Variants in FOXP2 observed in about 807,000 individuals in gnomAD.
FOXP2 encodes the protein forkhead box protein P2.
In FOXP2, 12 loss-of-function variants were observed where a neutral mutation model predicts 115.8. That is an observed-to-expected ratio of 0.10 (90% CI 0.07 to 0.17). The LOEUF (loss-of-function observed/expected upper bound fraction) is 0.17. FOXP2 is among the 10% of genes least tolerant of loss of function. The pLI, the probability that FOXP2 is intolerant of heterozygous loss-of-function variation, is 1.00. For synonymous variants in FOXP2, 328 were observed against 297.7 expected, an observed-to-expected ratio of 1.10 and a Z score of -1.05; for missense variants, 629 against 843.5, an observed-to-expected ratio of 0.75 and a Z score of 3.15.
intron 1 of FOXP2, among the ~76,000 whole-genome samples, chr7:114,175,931 C>T (rs1793277639): frequency 6.6e-6 from 1 of 152,142 alleles, no homozygotes; most frequent in Non-Finnish European, 1.5e-5. Context: ...TCAGATCTCA[C>T]TCTTTTTAAG....
rs940053193 is a variant in FOXP2 at position 114,454,260 on chromosome 7, A to G, written c.168+27581A>G. Among the ~76,000 whole-genome samples, 213 of 152,318 alleles carry G rather than the reference A, an allele frequency of 1.4e-3. 1 individual carries two copies. The highest frequency in any genetic ancestry group is 4.9e-3 in the African/African-American group (202 of 41,570). On this transcript the variant is annotated intron_variant, in intron 2 of 16. Transcript: ENST00000350908. Reference sequence around the variant, plus strand: ...AGACATCTATGCAGCCAAAAAACACATGAAAAAATGCTCATCATCACTGGC... The same window carrying G: ...AGACATCTATGCAGCCAAAAAACACGTGAAAAAATGCTCATCATCACTGGC...
chr7:114,162,914 T>C (rs1792880681), upstream of FOXP2: 1 of 152,034 alleles, frequency 6.6e-6, no homozygotes, highest in South Asian at 2.1e-4. Flanking sequence ...CGTTTTGTAA[T>C]AATTGATTAA....
chr7:114,210,347 G>C (rs1180204700), intron 1 of FOXP2, among the ~76,000 whole-genome samples: 1 of 152,070 alleles, frequency 6.6e-6, no homozygotes, highest in African/African-American at 2.4e-5. Flanking sequence ...TTTGTTGTTG[G>C]TCTTCTTGTT....
At chr7:114,433,238 A>G (rs73434158) in intron 2 of FOXP2, among the ~76,000 whole-genome samples, 2,963 of 152,110 alleles carry the variant, frequency 0.019, 103 homozygotes, top group African/African-American at 0.067. Flanking sequence ...TAATAAAAGT[A>G]TATCTGGTTC....
intron 1 of FOXP2, among the ~76,000 whole-genome samples, chr7:114,240,736 T>A (rs1476856754): frequency 2.0e-5 from 3 of 152,046 alleles, no homozygotes; most frequent in African/African-American, 7.2e-5. Flanking sequence ...ACTGTTCTTC[T>A]CTGGCAATAA....
At chr7:114,334,540 G>A (rs939865350) in intron 2 of FOXP2, among the ~76,000 whole-genome samples, 1 of 151,200 alleles carries the variant, frequency 6.6e-6, no homozygotes, top group African/African-American at 2.4e-5. Context: ...AAGAAATAAA[G>A]TAACTCCTGA....
chr7:114,158,362 A>T (rs908018841), upstream of FOXP2, among the ~76,000 whole-genome samples: 12 of 148,998 alleles, frequency 8.1e-5, no homozygotes, highest in Admixed American at 4.0e-4. Flanking sequence ...GTTGGTATTT[A>T]TTTTTTTTTT....
At chr7:114,373,594 AG>A (rs1246813037) in intron 2 of FOXP2, among the ~76,000 whole-genome samples, 7 of 152,218 alleles carry the variant, frequency 4.6e-5, no homozygotes, top group Non-Finnish European at 1.0e-4. Flanking sequence ...GAAATTTACA[AG>A]TTGTTGAATT....
At chr7:114,237,590 G>A (rs910833917) in intron 1 of FOXP2, among the ~76,000 whole-genome samples, 3 of 152,038 alleles carry the variant, frequency 2.0e-5, no homozygotes, top group Admixed American at 2.0e-4. Flanking sequence ...CCACACTGTG[G>A]AGTGTACTTC....
At chr7:114,610,294 C>G (rs1469187027) in intron 3 of FOXP2, among the ~76,000 whole-genome samples, 1 of 152,074 alleles carries the variant, frequency 6.6e-6, no homozygotes, top group Non-Finnish European at 1.5e-5. Context: ...AATGATTGAG[C>G]TTTGAATGGT....
At chr7:114,610,260 G>T (rs1392448630) in intron 3 of FOXP2, among the ~76,000 whole-genome samples, 1 of 152,144 alleles carries the variant, frequency 6.6e-6, no homozygotes, top group Non-Finnish European at 1.5e-5. Flanking sequence ...TGAAATTCTT[G>T]TATATTACTG....
intron 6 of FOXP2, among the ~76,000 whole-genome samples, chr7:114,641,278 A>G (rs1315683882): frequency 6.6e-6 from 1 of 152,240 alleles, no homozygotes; most frequent in African/African-American, 2.4e-5. Context: ...TGTAAGTCAA[A>G]TACTGTAAGC....
chr7:114,273,370 T>A lies in FOXP2; in HGVS notation c.-101-14649T>A, dbSNP rs187107845. On this transcript the variant is annotated intron_variant, in intron 1 of 17. Transcript: ENST00000634411. ...GTTTTATGACTGTGAATGTAGTCTA[T>A]CTTGGTGAGTGTTCCCATGTGAGCT... Among the ~76,000 whole-genome samples the A allele has an allele frequency of 4.2e-3, 644 of 152,164 alleles. 6 individuals are homozygous for A. The highest frequency in any genetic ancestry group is 0.015 in the African/African-American group (627 of 41,572).
chr7:114,464,980 C>T (rs1327142224), intron 2 of FOXP2, among the ~76,000 whole-genome samples: 1 of 152,130 alleles, frequency 6.6e-6, no homozygotes, highest in Non-Finnish European at 1.5e-5. Flanking sequence ...CTATAATTAT[C>T]ATGTGTTATT....
At chr7:114,172,271 G>A (rs950113004) in intron 1 of FOXP2, among the ~76,000 whole-genome samples, 1 of 152,050 alleles carries the variant, frequency 6.6e-6, no homozygotes, top group African/African-American at 2.4e-5. Context: ...CTGAACCTGC[G>A]ATACCTCCAA....
At chr7:114,608,609 T>C (rs1056883708) in intron 3 of FOXP2, among the ~76,000 whole-genome samples, 6 of 152,166 alleles carry the variant, frequency 3.9e-5, no homozygotes, top group Non-Finnish European at 8.8e-5. Context: ...CAGGTTCTAC[T>C]TACTCTCAGG....
chr7:114,207,609 C>T (rs771807543), intron 1 of FOXP2, among the ~76,000 whole-genome samples: 10 of 152,186 alleles, frequency 6.6e-5, no homozygotes, highest in Non-Finnish European at 1.2e-4. Flanking sequence ...ATTGGACCTA[C>T]TTAATTTGTA....
rs189149417 is a variant in FOXP2 at position 114,511,189 on chromosome 7, C to A, written c.169-23428C>A. Among the ~76,000 whole-genome samples, 1,296 of 151,958 alleles carry A rather than the reference C, an allele frequency of 8.5e-3. 15 individuals are homozygous for A. Among genetic ancestry groups the A allele is most frequent in the African/African-American group, 0.03 (1,239 of 41,444 alleles). On this transcript the variant is annotated intron_variant, in intron 2 of 16. Transcript: ENST00000350908. ...ATGGACACAGGGAGGGGAACATCAC[C>A]CACCAGGGCCTGTCAGGGGGTGGGG...
chr7:114,436,925 C>T (rs1357360106), intron 2 of FOXP2, among the ~76,000 whole-genome samples: 2 of 152,014 alleles, frequency 1.3e-5, no homozygotes, highest in African/African-American at 4.8e-5. Context: ...AGAAAATACA[C>T]ATTAATTATT....
Sources: allele counts gnomAD v4.1 joint callset (sites outside exome capture counted in the v4.1 genomes callset), GRCh38; gene constraint gnomAD v4.1.1; transcripts MANE v1.5; gene names NCBI Gene and HGNC (gene_info 2026-07-23, HGNC 2026-07-21).